Variants in ANO3 observed in about 807,000 individuals in gnomAD.
ANO3 encodes the protein anoctamin 3.
A neutral mutation model predicts 144.8 loss-of-function variants in ANO3; 99 were observed. The ratio of observed to expected loss-of-function variants is 0.68; its 90% CI spans 0.58 to 0.81. The LOEUF (loss-of-function observed/expected upper bound fraction) is 0.81. ANO3 is among the 30% of genes least tolerant of loss of function. The pLI, the probability that ANO3 is intolerant of heterozygous loss-of-function variation, is 0.00. For missense variants in ANO3, 905 were observed against 1,202.2 expected (o/e 0.75, Z 3.66); for synonymous variants, 414 against 392.6 (o/e 1.05, Z -0.64).
chr11:26,327,257 A>C (rs1347831279), upstream of ANO3, among the ~76,000 whole-genome samples: 1 of 152,164 alleles, frequency 6.6e-6, no homozygotes, highest in Non-Finnish European at 1.5e-5. Context: ...GTCTATTTTA[A>C]AGGATTTCTT....
At chr11:26,360,389 G>A (rs914635866) in intron 1 of ANO3, among the ~76,000 whole-genome samples, 1 of 152,010 alleles carries the variant, frequency 6.6e-6, no homozygotes, top group Non-Finnish European at 1.5e-5. Context: ...ATCAGATAGA[G>A]ATTTTTAAAA....
At chr11:26,384,052 C>A (rs1255236424) in intron 1 of ANO3, among the ~76,000 whole-genome samples, 3 of 151,534 alleles carry the variant, frequency 2.0e-5, no homozygotes, top group African/African-American at 4.8e-5. Context: ...CGCGTGCCAC[C>A]ATAACCCGGC....
At chr11:26,478,789 T>C (rs537785473) in intron 4 of ANO3, among the ~76,000 whole-genome samples, 4 of 152,260 alleles carry the variant, frequency 2.6e-5, no homozygotes, top group African/African-American at 4.8e-5. Flanking sequence ...TGATTGGTTA[T>C]ATAACTAGGG....
intron 3 of ANO3, among the ~76,000 whole-genome samples, chr11:26,454,467 G>C (rs779925055): frequency 2.0e-5 from 3 of 152,038 alleles, no homozygotes; most frequent in Non-Finnish European, 4.4e-5. Context: ...AAATAAACTA[G>C]AAAATCTAGA....
rs113144218 is a variant in ANO3 at position 26,313,151 on chromosome 11, T to C, written c.-3+3432T>C. On this transcript the variant is annotated intron_variant, in intron 1 of 26. Transcript: ENST00000525139. ...GCATATCGATGCAAAATATATTTTG[T>C]ACCTAGCATATCAGTACAAAATATG... Among the ~76,000 whole-genome samples, 275 of 152,324 alleles carry C rather than the reference T, an allele frequency of 1.8e-3. 2 individuals carry two copies. Among genetic ancestry groups the C allele is most frequent in the African/African-American group, 6.3e-3 (263 of 41,580 alleles).
At chr11:26,646,148 T>C (rs1853338447) in intron 23 of ANO3, among the ~76,000 whole-genome samples, 1 of 152,154 alleles carries the variant, frequency 6.6e-6, no homozygotes, top group African/African-American at 2.4e-5. Context: ...ATACAAAAAA[T>C]ATATTTGTAC....
chr11:26,227,553 G>T (rs1852281727), intron 1 of ANO3, among the ~76,000 whole-genome samples: 1 of 152,152 alleles, frequency 6.6e-6, no homozygotes, highest in Non-Finnish European at 1.5e-5. Context: ...AGTAAGCAGT[G>T]ATTCATCTCT....
At chr11:26,602,534 C>T (rs1296629615) in intron 17 of ANO3, among the ~76,000 whole-genome samples, 1 of 151,876 alleles carries the variant, frequency 6.6e-6, no homozygotes, top group Non-Finnish European at 1.5e-5. Context: ...TGAGACCAGC[C>T]CGGGCAACAT....
chr11:26,650,586 G>T (rs12807548), intron 24 of ANO3, among the ~76,000 whole-genome samples: 14,231 of 152,160 alleles, frequency 0.094, 705 homozygotes, highest in Admixed American at 0.14. Flanking sequence ...GCACCAAACA[G>T]TATTGCTAGT....
intron 1 of ANO3, among the ~76,000 whole-genome samples, chr11:26,378,970 CA>C (rs5790576): frequency 6.0e-4 from 83 of 137,998 alleles, no homozygotes; most frequent in African/African-American, 1.8e-3. Flanking sequence ...ACAACTTCTC[CA>C]AAAAAAAAAA....
intron 1 of ANO3, among the ~76,000 whole-genome samples, chr11:26,359,786 C>G (rs571055209): frequency 6.6e-6 from 1 of 152,016 alleles, no homozygotes; most frequent in Non-Finnish European, 1.5e-5. Flanking sequence ...AGCGGCTAAT[C>G]TCTATTTTCT....
chr11:26,578,981 C>T (rs1053210618), intron 14 of ANO3, among the ~76,000 whole-genome samples: 1 of 152,058 alleles, frequency 6.6e-6, no homozygotes, highest in Non-Finnish European at 1.5e-5. Flanking sequence ...CTTTTAAAAC[C>T]CTAATTTTGT....
chr11:26,488,954 T>C (rs1038247229), intron 4 of ANO3, among the ~76,000 whole-genome samples: 4 of 152,166 alleles, frequency 2.6e-5, no homozygotes, highest in Non-Finnish European at 4.4e-5. Flanking sequence ...GGTATGTTTT[T>C]ACAGAGTGCT....
chr11:26,363,844 A>C (rs941808526), intron 1 of ANO3, among the ~76,000 whole-genome samples: 1 of 151,412 alleles, frequency 6.6e-6, no homozygotes, highest in African/African-American at 2.4e-5. Context: ...AAAAAAAGAG[A>C]TTAAACCAAT....
chr11:26,255,911 G>C (rs1382746728), intron 1 of ANO3, among the ~76,000 whole-genome samples: 1 of 152,118 alleles, frequency 6.6e-6, no homozygotes, highest in South Asian at 2.1e-4. Context: ...CCAGAGACTT[G>C]ACTAGAAAAG....
intron 1 of ANO3, among the ~76,000 whole-genome samples, chr11:26,359,876 AGT>A (rs142194688): frequency 1.7e-4 from 26 of 149,472 alleles, no homozygotes; most frequent in South Asian, 8.5e-4. Context: ...ATGTCAGACT[AGT>A]GTGTGTGTGT....
Position 26,534,579 on chromosome 11 carries a change from A to G in ANO3, c.976+17A>G, listed in dbSNP as rs921934316. ...CAAAAGTGGGTAAGAACATTAATTA[A>G]TAACAGAGTAGAACTTGCTGTTACT... On this transcript the variant is annotated intron_variant, in intron 9 of 26. Transcript: ENST00000256737. 1 of 1,530,920 alleles carries G rather than the reference A, an allele frequency of 6.5e-7. No individual in the cohort carries two copies. Among genetic ancestry groups the G allele is most frequent in the Middle Eastern group, 1.8e-4 (1 of 5,562 alleles). 94.8% of individuals were successfully genotyped at this position (1,530,920 alleles called of 1,614,324 possible).
Position 26,392,520 on chromosome 11 carries a change from A to G in ANO3, c.47-49398A>G, listed in dbSNP as rs547008848. ...ATAGGGGTGAGATATTATGTTTTCA[A>G]AGGGCTTTACTAATTTTATAGTTGT... On this transcript the variant is annotated intron_variant, in intron 1 of 26. Coordinates refer to ENST00000256737, the MANE Select transcript of ANO3 (RefSeq NM_031418.4). 4.1e-4 allele frequency among the ~76,000 whole-genome samples: 62 copies of G among 152,142 alleles called. 1 individual carries two copies. The East Asian group carries it at 8.5e-3, about 21-fold the overall frequency.
intron 14 of ANO3, among the ~76,000 whole-genome samples, chr11:26,574,566 C>G (rs1850937979): frequency 6.6e-6 from 1 of 152,054 alleles, no homozygotes; most frequent in Non-Finnish European, 1.5e-5. Context: ...AAATAAATTA[C>G]ATTATGAATC....
Sources: allele counts gnomAD v4.1 joint callset (sites outside exome capture counted in the v4.1 genomes callset), GRCh38; gene constraint gnomAD v4.1.1; transcripts MANE v1.5; gene names NCBI Gene and HGNC (gene_info 2026-07-23, HGNC 2026-07-21).